AUTS2: variants seen among roughly 807,000 people sequenced by gnomAD.
AUTS2 encodes the protein activator of transcription and developmental regulator AUTS2, also known as autism susceptibility gene 2 protein.
AUTS2 carries 17 observed loss-of-function variants against 112.4 expected under a neutral mutation model. That is an observed-to-expected ratio of 0.15 (90% CI 0.10 to 0.23). The LOEUF is 0.23. Ranked by LOEUF, AUTS2 falls within the 10% of genes least tolerant of loss-of-function variation. AUTS2 has a pLI of 1.00. For missense variants in AUTS2, 1,510 were observed against 1,701.6 expected, an observed-to-expected ratio of 0.89 and a Z score of 1.98; for synonymous variants, 751 against 702.7, an observed-to-expected ratio of 1.07 and a Z score of -1.09.
chr7:70,674,479 AAAG>A (rs1807810122), intron 5 of AUTS2, among the ~76,000 whole-genome samples: 1 of 152,224 alleles, frequency 6.6e-6, no homozygotes, highest in Non-Finnish European at 1.5e-5. Flanking sequence ...CCTTTTAAAA[AAAG>A]AAGAGGGAGC....
intron 1 of AUTS2, among the ~76,000 whole-genome samples, chr7:69,714,934 T>G (rs1433889610): frequency 6.6e-6 from 1 of 151,970 alleles, no homozygotes; most frequent in Non-Finnish European, 1.5e-5. Context: ...GTTTACTCTT[T>G]TTATGTAACT....
At chr7:69,847,051 G>A (rs770829504) in intron 1 of AUTS2, among the ~76,000 whole-genome samples, 9 of 152,032 alleles carry the variant, frequency 5.9e-5, no homozygotes, top group Non-Finnish European at 1.0e-4. Context: ...GCACCTTAAG[G>A]CATTTTATAA....
At chr7:70,057,497 A>ATT (rs1180637230) in intron 2 of AUTS2, among the ~76,000 whole-genome samples, 1 of 152,188 alleles carries the variant, frequency 6.6e-6, no homozygotes, top group Non-Finnish European at 1.5e-5. Context: ...CTCAAAAATG[A>ATT]TGAAATTGCA....
intron 2 of AUTS2, among the ~76,000 whole-genome samples, chr7:69,903,524 G>T (rs1317410724): frequency 6.6e-6 from 1 of 152,176 alleles, no homozygotes; most frequent in East Asian, 1.9e-4. Context: ...CCATTAGTCT[G>T]TCCTTTCTCT....
At chr7:69,602,341 G>C (rs569075738) in intron 1 of AUTS2, among the ~76,000 whole-genome samples, 14 of 151,724 alleles carry the variant, frequency 9.2e-5, no homozygotes, top group African/African-American at 2.9e-4. Context: ...AGGATATTTT[G>C]GTTAGCTGAA....
At chr7:70,358,024 A>G (rs1792089601) in intron 4 of AUTS2, among the ~76,000 whole-genome samples, 1 of 152,186 alleles carries the variant, frequency 6.6e-6, no homozygotes, top group Non-Finnish European at 1.5e-5. Context: ...GTCACAGTCT[A>G]CAGTCCACTC....
intron 1 of AUTS2, among the ~76,000 whole-genome samples, chr7:69,800,059 G>A (rs1255896019): frequency 1.3e-5 from 2 of 152,166 alleles, no homozygotes; most frequent in Non-Finnish European, 2.9e-5. Flanking sequence ...ATGTATGTAA[G>A]GATAGATCAG....
chr7:70,077,963 A>G (rs1465847937), intron 2 of AUTS2, among the ~76,000 whole-genome samples: 1 of 152,214 alleles, frequency 6.6e-6, no homozygotes, highest in Non-Finnish European at 1.5e-5. Flanking sequence ...TTTAATATTC[A>G]GATTGACAGT....
chr7:70,769,404 G>T (rs1437255182), intron 10 of AUTS2, among the ~76,000 whole-genome samples: 4 of 152,212 alleles, frequency 2.6e-5, no homozygotes, highest in Non-Finnish European at 5.9e-5. Context: ...AAATAATTCA[G>T]GCTGGGTGCA....
intron 5 of AUTS2, among the ~76,000 whole-genome samples, chr7:70,692,225 C>A (rs1204565034): frequency 6.6e-6 from 1 of 152,190 alleles, no homozygotes; most frequent in Non-Finnish European, 1.5e-5. Context: ...AATGAAAGCA[C>A]CCTGGAGGGC....
At position 70,254,532 on chromosome 7, in the gene AUTS2, C is replaced by T. The variant is rs573178917; in HGVS notation, c.660+119961C>T. Among the ~76,000 whole-genome samples, 10 of 152,274 alleles carry T rather than the reference C, an allele frequency of 6.6e-5. No homozygotes were observed. The South Asian group carries it at 2.1e-3, about 32-fold the overall frequency. ...TCTTACTAAGCACTCATTTGTTTTT[C>T]TGCTTCTATGACTTGCTCTCACTGC... is the stretch of plus-strand genomic sequence containing the variant. On this transcript the variant is annotated intron_variant, in intron 4 of 18. Transcript: ENST00000342771.
chr7:69,791,067 A>G (rs1342200782), intron 1 of AUTS2, among the ~76,000 whole-genome samples: 2 of 152,246 alleles, frequency 1.3e-5, no homozygotes, highest in Non-Finnish European at 2.9e-5. Context: ...ACTGATTATG[A>G]TGGGAGAATG....
intron 6 of AUTS2, chr7:70,698,843 G>C (rs1169547259): frequency 4.7e-6 from 2 of 423,318 alleles, no homozygotes; most frequent in Non-Finnish European, 8.3e-6. Context: ...TATTTAAACT[G>C]ATTTGACTAA....
At chr7:70,604,216 G>A (rs540438989) in intron 5 of AUTS2, among the ~76,000 whole-genome samples, 8 of 152,238 alleles carry the variant, frequency 5.3e-5, no homozygotes, top group South Asian at 2.1e-4. Flanking sequence ...TTTTATATCC[G>A]CACAGATTAA....
rs1585703033 is a variant in AUTS2 at position 70,790,584 on chromosome 7, A to G, written c.3368A>G (p.Asp1123Gly). The G allele has an allele frequency of 6.2e-7, 1 of 1,602,434 alleles. No homozygotes were observed. The highest frequency in any genetic ancestry group is 8.5e-7 in the Non-Finnish European group (1 of 1,175,578). Residue 1123 changes from aspartate to glycine, a missense_variant, in exon 19 of 19, where the codon GAC becomes GGC. Asp to Gly is a moderately conservative substitution (Grantham distance 94). Around this residue, in one of 3 missense-constraint regions of AUTS2, gnomAD observed 788 missense variants for 797.6 expected, o/e 0.99. Coordinates refer to ENST00000342771, the MANE Select transcript of AUTS2 (RefSeq NM_015570.4). The surrounding 1 kb of genome is among the most constrained non-coding windows in gnomAD (Gnocchi z 7.6). ...TCCTTCAGGGACCGGGAGCCTCACG[A>G]CTACAGCCACCACCACCACCACCAC... is the stretch of plus-strand genomic sequence containing the variant. ...DRSFRDREPH[D>G]YSHHHHHHHH...
At chr7:69,706,138 A>G (rs773565278) in intron 1 of AUTS2, among the ~76,000 whole-genome samples, 1 of 152,174 alleles carries the variant, frequency 6.6e-6, no homozygotes, top group Non-Finnish European at 1.5e-5. Context: ...ACTCAAGGGC[A>G]GTCAGGAAGA....
chr7:70,204,542 T>G (rs1810472302), intron 4 of AUTS2, among the ~76,000 whole-genome samples: 1 of 152,152 alleles, frequency 6.6e-6, no homozygotes, highest in Non-Finnish European at 1.5e-5. Flanking sequence ...GGGTGCTCTA[T>G]AGCTCAATAA....
chr7:69,700,814 G>A (rs1296681730), intron 1 of AUTS2, among the ~76,000 whole-genome samples: 9 of 152,108 alleles, frequency 5.9e-5, no homozygotes, highest in East Asian at 1.9e-4. Flanking sequence ...GTGGTTTTGC[G>A]TCCTCTCTGC....
At chr7:70,159,459 G>A (rs1322024168) in intron 4 of AUTS2, among the ~76,000 whole-genome samples, 1 of 152,180 alleles carries the variant, frequency 6.6e-6, no homozygotes, top group Non-Finnish European at 1.5e-5. Context: ...GAGCAAAAAT[G>A]ACACATGGAA....
Sources: allele counts gnomAD v4.1 joint callset (sites outside exome capture counted in the v4.1 genomes callset), GRCh38; gene constraint gnomAD v4.1.1; regional missense constraint gnomAD v4.1.1; non-coding constraint Gnocchi (gnomAD v3.1); transcripts MANE v1.5; gene names NCBI Gene and HGNC (gene_info 2026-07-23, HGNC 2026-07-21).